Variants in RC3H1 observed in about 807,000 individuals in gnomAD.
RC3H1 encodes the protein roquin-1.
In RC3H1, 50 loss-of-function variants were observed where a neutral mutation model predicts 138.2. The ratio of observed to expected loss-of-function variants is 0.36; its 90% CI spans 0.29 to 0.46. The LOEUF (loss-of-function observed/expected upper bound fraction) is 0.46. RC3H1 is among the 20% of genes least tolerant of loss of function. The pLI is 1.00. For missense variants in RC3H1, 1,031 were observed against 1,388.1 expected (o/e 0.74, Z 4.09); for synonymous variants, 462 against 489.1 (o/e 0.94, Z 0.73).
intron 9 of RC3H1, among the ~76,000 whole-genome samples, chr1:173,968,212 C>T (rs1660204930): frequency 6.6e-6 from 1 of 152,106 alleles, no homozygotes; most frequent in South Asian, 2.1e-4. Context: ...TAGTCTAGTT[C>T]CTGTCTAAAA....
At chr1:174,003,752 G>A (rs571421065) in intron 1 of RC3H1, among the ~76,000 whole-genome samples, 5 of 150,524 alleles carry the variant, frequency 3.3e-5, no homozygotes, top group South Asian at 4.2e-4. Flanking sequence ...GCTCCACCTC[G>A]CGGGTTTCAC....
chr1:173,952,009 C>A lies in RC3H1; in HGVS notation c.2500G>T (p.Ala834Ser). The A allele has an allele frequency of 6.2e-7, 1 of 1,607,768 alleles. No individual in the cohort carries two copies. Among genetic ancestry groups the A allele is most frequent in the South Asian group, 1.1e-5 (1 of 89,632 alleles). The change falls in exon 14 of 20, where the codon GCA becomes TCA. Residue 834 changes from alanine (A) to serine (S), a missense_variant. Physicochemically the swap from Ala to Ser is moderately conservative, Grantham distance 99. This residue lies in a region of RC3H1 where 716 missense variants were observed against 837.9 expected (regional missense o/e 0.85). Transcript: ENST00000367696. ...TKDAKPKDVVAAGSVEMMNVE... is the reference protein window; with the variant it reads ...TKDAKPKDVVSAGSVEMMNVE... ...ACCATCATTTCCACACTCCCTGCTG[C>A]CACAACATCTTTGGGTTTTGCATCT...
chr1:173,964,074 A>G lies in RC3H1; in HGVS notation c.1730T>C (p.Val577Ala). Residue 577 changes from valine to alanine, a missense_variant, in exon 11 of 20, where the codon GTA (valine) becomes GCA (alanine). Physicochemically the swap from Val to Ala is moderately conservative, Grantham distance 64. This residue lies in a region of RC3H1 where 716 missense variants were observed against 837.9 expected (regional missense o/e 0.85). Transcript: ENST00000367696. Reference protein sequence around the residue: ...PMPVTKPLQMVPRGSQLYPAQ... With the variant: ...PMPVTKPLQMAPRGSQLYPAQ... ...TGGATATAACTGAGAACCTCGAGGTACCATCTGAAGTGGTTTGGTAACAGG... is the reference window on the plus strand; with the variant it reads ...TGGATATAACTGAGAACCTCGAGGTGCCATCTGAAGTGGTTTGGTAACAGG... 1 of 1,614,140 alleles carries G rather than the reference A, an allele frequency of 6.2e-7. No individual in the cohort carries two copies. The highest frequency in any genetic ancestry group is 8.5e-7 in the Non-Finnish European group (1 of 1,180,004).
rs1571220745 is a variant in RC3H1 at position 173,982,997 on chromosome 1, T to C, written c.593-95A>G. The stretch of plus-strand genomic sequence containing the variant: ...GAATATTTAATCATTTCTGCAGCTA[T>C]TCAATTAACTGGCAATACAGTTAAG... On this transcript the variant is annotated intron_variant, in intron 4 of 19. Transcript: ENST00000367696. 1.9e-5 allele frequency: 21 copies of C among 1,116,108 alleles called. No individual in the cohort carries two copies. The East Asian group carries it at 5.0e-4, about 26-fold the overall frequency. The allele number at this position is 1,116,108 out of a possible 1,614,324, so 69.1% of individuals were successfully genotyped here.
chr1:173,960,836 T>C (rs1166529586), intron 13 of RC3H1, among the ~76,000 whole-genome samples: 4 of 152,248 alleles, frequency 2.6e-5, no homozygotes, highest in Admixed American at 2.6e-4. Context: ...CATGCTGATT[T>C]CATTAAATTG....
chr1:173,961,982 G>A lies in RC3H1; in HGVS notation c.1945C>T (p.Arg649Cys), dbSNP rs560236043. Residue 649 changes from arginine to cysteine, a missense_variant, in exon 12 of 20, where the codon CGT becomes TGT. Arg to Cys is a radical substitution (Grantham distance 180). This residue lies in a region of RC3H1 where 716 missense variants were observed against 837.9 expected (regional missense o/e 0.85). Transcript: ENST00000367696. Reference sequence around the variant, plus strand: ...GTGCCATACTGAGAGTTTACAACACGTTCTTGGAGGTAGGGTGGATAATGA... The same window carrying A: ...GTGCCATACTGAGAGTTTACAACACATTCTTGGAGGTAGGGTGGATAATGA... ...LDHYPPYLQE[R>C]VVNSQYGTQP... 28 of 1,614,128 alleles carry A rather than the reference G, an allele frequency of 1.7e-5. No individual in the cohort carries two copies. Among genetic ancestry groups the A allele is most frequent in the East Asian group, 4.5e-5 (2 of 44,884 alleles).
intron 1 of RC3H1, among the ~76,000 whole-genome samples, chr1:174,005,932 G>A (rs1302650181): frequency 2.0e-5 from 3 of 152,122 alleles, no homozygotes; most frequent in African/African-American, 7.2e-5. Flanking sequence ...CTGGCCGGGC[G>A]CGGTGGCTCA....
chr1:173,944,894 C>G (rs556530309), intron 17 of RC3H1, among the ~76,000 whole-genome samples: 1 of 152,168 alleles, frequency 6.6e-6, no homozygotes, highest in South Asian at 2.1e-4. Flanking sequence ...GAAAGTCTGT[C>G]TTATAACTTT....
At chr1:173,950,626 G>C (rs1270155018) in intron 14 of RC3H1, among the ~76,000 whole-genome samples, 1 of 151,874 alleles carries the variant, frequency 6.6e-6, no homozygotes, top group Non-Finnish European at 1.5e-5. Flanking sequence ...CTAAACTCAG[G>C]ATAGAGATTA....
At position 173,961,240 on chromosome 1, in the gene RC3H1, G is replaced by A; in HGVS notation, c.2207C>T (p.Pro736Leu). The change falls in exon 13 of 20, where the codon CCT becomes CTT. Residue 736 changes from proline to leucine, a missense_variant. Physicochemically the swap from Pro to Leu is moderately conservative, Grantham distance 98 (BLOSUM62 -3). This residue lies in a region of RC3H1 where 716 missense variants were observed against 837.9 expected (regional missense o/e 0.85). Coordinates refer to ENST00000367696, the MANE Select transcript of RC3H1 (RefSeq NM_172071.4). ...AGGAGGAGGAAGCCGGCTATAAGGA[G>A]GTTCCTAAAAATAGAAAGATTAGTT... ...TQIRPSYLREPPYSRLPPPPQ... is the reference protein window; with the variant it reads ...TQIRPSYLRELPYSRLPPPPQ... The A allele has an allele frequency of 6.2e-7, 1 of 1,603,504 alleles. No individual in the cohort carries two copies.
rs564836272 is a variant in RC3H1 at position 173,963,983 on chromosome 1, A to C, written c.1821T>G (p.Pro607=). The part of the protein sequence containing the change: ...RGAAPPFEPA[P]YQQGMYYTPP... The stretch of plus-strand genomic sequence containing the variant: ...ATTTAAAATCGTTACCCTGCTGATA[A>C]GGTGCTGGTTCAAATGGCGGAGCTG... Residue 607 remains proline, a synonymous_variant, in exon 11 of 20, where the codon CCT becomes CCG. Coordinates refer to ENST00000367696, the MANE Select transcript of RC3H1 (RefSeq NM_172071.4). The C allele has an allele frequency of 3.0e-5, 49 of 1,613,908 alleles. No homozygotes were observed. The South Asian group carries it at 5.1e-4, about 17-fold the overall frequency.
rs941058118 is a variant in RC3H1, at chr1:173,950,779, T to C, written c.2523+1207A>G. ...CAGGTAGGGTAGCTCATGCCTGTAA[T>C]CCCAGCATTTTGGGAGGGAGAGGCG... On this transcript the variant is annotated intron_variant, in intron 14 of 19. Coordinates refer to ENST00000367696, the MANE Select transcript of RC3H1 (RefSeq NM_172071.4). 2.0e-5 allele frequency among the ~76,000 whole-genome samples: 3 copies of C among 152,064 alleles called. No homozygotes were observed. The South Asian group carries it at 6.2e-4, about 32-fold the overall frequency.
chr1:173,948,820 A>C (rs527440893), intron 14 of RC3H1, among the ~76,000 whole-genome samples: 122 of 152,188 alleles, frequency 8.0e-4, no homozygotes, highest in South Asian at 1.9e-3. Flanking sequence ...TCCTGGGCTC[A>C]AACAATCCTC....
intron 7 of RC3H1, among the ~76,000 whole-genome samples, chr1:173,975,340 C>T (rs1660528238): frequency 1.3e-5 from 2 of 151,958 alleles, no homozygotes; most frequent in African/African-American, 2.4e-5. Flanking sequence ...GTGATCCGCC[C>T]GCCTTGGCCT....
rs114323092 is a variant in RC3H1, at chr1:173,978,732, C to A, written c.970-112G>T. On this transcript the variant is annotated intron_variant, in intron 6 of 19. Transcript: ENST00000367696. ...TTATTAAATTTAATTTTTATCTTCC[C>A]ATATACCCTACACTTTGGCCAGAGT... The A allele has an allele frequency of 3.3e-3, 3,639 of 1,116,970 alleles. 96 individuals are homozygous for A. The African/African-American group carries it at 0.052, about 16-fold the overall frequency. The allele number at this position is 1,116,970 out of a possible 1,614,324, so 69.2% of individuals were successfully genotyped here. A position where few individuals can be genotyped will look rare whatever the true frequency, so the allele number is the denominator to read the frequency against.
rs1460004707 is a variant in RC3H1 at position 173,984,513 on chromosome 1, A to G, written c.338T>C (p.Leu113Pro). 1 of 1,613,556 alleles carries G rather than the reference A, an allele frequency of 6.2e-7. No homozygotes were observed. The highest frequency in any genetic ancestry group is 1.1e-5 in the South Asian group (1 of 90,912). The change falls in exon 3 of 20, where the codon CTC becomes CCC. Residue 113 changes from leucine (L) to proline (P), a missense_variant. By Grantham distance (98) the Leu-to-Pro change is moderately conservative. Transcript: ENST00000367696. ...VEELALYLKPLSSARGVGLNS... is the reference protein window; with the variant it reads ...VEELALYLKPPSSARGVGLNS... ...AACAAACTTACCTCTAGCACTGCTG[A>G]GCGGTTTTAAGTACAATGCTAATTC...
chr1:173,967,494 C>T (rs1258043338), intron 9 of RC3H1, among the ~76,000 whole-genome samples: 1 of 152,228 alleles, frequency 6.6e-6, no homozygotes, highest in Non-Finnish European at 1.5e-5. Context: ...TTCAAAACCT[C>T]ATCAAATACT....
At position 173,935,096 on chromosome 1, in the gene RC3H1, T is replaced by A. The variant is rs560703407; in HGVS notation, c.*3625A>T. 66 of 152,302 alleles carry A rather than the reference T, an allele frequency of 4.3e-4. No homozygotes were observed. The highest frequency in any genetic ancestry group is 1.5e-3 in the African/African-American group (62 of 41,580). 9.4% of individuals were successfully genotyped at this position (152,302 alleles called of 1,614,324 possible). On this transcript the variant is annotated 3_prime_UTR_variant, in exon 20 of 20. Coordinates refer to ENST00000367696, the MANE Select transcript of RC3H1 (RefSeq NM_172071.4). ...CATTAGGAATAATGTCTTATCAATA[T>A]CTAGAATACTACTACTAGAAATCTA...
At chr1:173,983,165 T>G (rs1475853985) in intron 4 of RC3H1, 24 of 506,848 alleles carry the variant, frequency 4.7e-5, no homozygotes, top group Admixed American at 3.8e-5. Context: ...GCTACAGGTG[T>G]GAAAAAAAGG....
Sources: allele counts gnomAD v4.1 joint callset (sites outside exome capture counted in the v4.1 genomes callset), GRCh38; gene constraint gnomAD v4.1.1; regional missense constraint gnomAD v4.1.1; transcripts MANE v1.5; gene names NCBI Gene and HGNC (gene_info 2026-07-23, HGNC 2026-07-21).